Variants in PAFAH2 observed in about 807,000 individuals in gnomAD.
PAFAH2 encodes platelet activating factor acetylhydrolase 2, also known as platelet-activating factor acetylhydrolase 2, cytoplasmic.
In PAFAH2, 42 loss-of-function variants were observed where a neutral mutation model predicts 49.0. That is an observed-to-expected ratio of 0.86 (90% CI 0.67 to 1.11). PAFAH2 has a LOEUF of 1.11. PAFAH2 is among the 50% of genes least tolerant of loss of function. PAFAH2 has a pLI of 0.00. For missense variants in PAFAH2, 503 were observed against 501.8 expected, an observed-to-expected ratio of 1.00 and a Z score of -0.02; for synonymous variants, 184 against 181.3, an observed-to-expected ratio of 1.01 and a Z score of -0.12.
At chr1:25,966,539 G>A (rs572898067) in intron 10 of PAFAH2, among the ~76,000 whole-genome samples, 7 of 152,258 alleles carry the variant, frequency 4.6e-5, no homozygotes, top group African/African-American at 1.7e-4. Context: ...TGTACCGAAT[G>A]CTGTCACTTA....
intron 3 of PAFAH2, among the ~76,000 whole-genome samples, chr1:25,989,218 C>T (rs1354016518): frequency 6.6e-6 from 1 of 152,188 alleles, no homozygotes; most frequent in Non-Finnish European, 1.5e-5. Flanking sequence ...GCCCAAACCC[C>T]ATGGCTAGTA....
At chr1:25,992,742 T>C (rs780609977) in intron 1 of PAFAH2, among the ~76,000 whole-genome samples, 8 of 152,196 alleles carry the variant, frequency 5.3e-5, no homozygotes, top group Admixed American at 1.3e-4. Context: ...CCAGTGTCCC[T>C]TGCCTTGTGA....
At chr1:25,972,866 T>G (rs908372665) in intron 9 of PAFAH2, among the ~76,000 whole-genome samples, 154 bp from the exon 10 acceptor site, 2 of 152,158 alleles carry the variant, frequency 1.3e-5, no homozygotes, top group African/African-American at 4.8e-5. Context: ...CTTGACAGAA[T>G]CCAAGGAGAG....
intron 10 of PAFAH2, 52 bp downstream of exon 10, chr1:25,972,506 G>A: frequency 6.4e-7 from 1 of 1,571,506 alleles, no homozygotes; most frequent in Middle Eastern, 2.0e-4. Context: ...TCTGCTGCAA[G>A]GAAATCTAAG....
At chr1:25,986,890 C>T (rs1008376140) in intron 4 of PAFAH2, among the ~76,000 whole-genome samples, 2 of 151,926 alleles carry the variant, frequency 1.3e-5, no homozygotes, top group East Asian at 1.9e-4. Flanking sequence ...TTATTGAGTA[C>T]CTATTATATG....
chr1:25,987,450 G>C (rs116436260), intron 4 of PAFAH2, among the ~76,000 whole-genome samples: 1,518 of 150,704 alleles, frequency 0.01, 15 homozygotes, highest in Non-Finnish European at 0.017. Context: ...GAACACATGG[G>C]GCCGGGCGCA....
chr1:25,977,281 G>A (rs1481352074), intron 7 of PAFAH2, among the ~76,000 whole-genome samples: 1 of 151,062 alleles, frequency 6.6e-6, no homozygotes, highest in Non-Finnish European at 1.5e-5. Context: ...TTACAGGCGT[G>A]AGCCACCGCG....
At chr1:25,983,912 A>C (rs1351520141) in intron 6 of PAFAH2, 34 bp downstream of exon 6, 2 of 1,611,222 alleles carry the variant, frequency 1.2e-6, no homozygotes, top group Non-Finnish European at 8.5e-7. Flanking sequence ...GAACAGGCTC[A>C]TTAACTCTCC....
intron 1 of PAFAH2, among the ~76,000 whole-genome samples, chr1:25,997,807 G>A (rs570000162): frequency 7.6e-4 from 116 of 152,290 alleles, no homozygotes; most frequent in African/African-American, 2.6e-3. Context: ...CGGGAGCTCA[G>A]TGGGGATTCC....
rs182191640 is a variant in PAFAH2 at position 25,984,667 on chromosome 1, A to C, written c.342-139T>G. 17 of 638,736 alleles carry C rather than the reference A, an allele frequency of 2.7e-5. No individual in the cohort carries two copies. In the African/African-American group the frequency reaches 3.1e-4, roughly 12 times the overall value. The allele number at this position is 638,736 out of a possible 1,614,324, so 39.6% of individuals were successfully genotyped here. ...AACTGTCTACCTCTGGCTTCCTTTC[A>C]CTTGAGAGAGAAATAAACATTACCA... On this transcript the variant is annotated intron_variant, in intron 4 of 10. Transcript: ENST00000374282.
At chr1:25,972,530 G>T in intron 10 of PAFAH2, 28 bp downstream of exon 10, 3 of 1,604,040 alleles carry the variant, frequency 1.9e-6, no homozygotes, top group Non-Finnish European at 2.6e-6. Context: ...CCCCACAGCT[G>T]CCCCAAGAGC....
chr1:25,976,981 C>T (rs537540042), intron 7 of PAFAH2, among the ~76,000 whole-genome samples: 1 of 149,696 alleles, frequency 6.7e-6, no homozygotes, highest in South Asian at 2.1e-4. Flanking sequence ...CTTGTGTAGG[C>T]AGGAATTGTG....
At chr1:25,971,573 GAC>G (rs1484747543) in intron 10 of PAFAH2, among the ~76,000 whole-genome samples, 1 of 152,160 alleles carries the variant, frequency 6.6e-6, no homozygotes, top group African/African-American at 2.4e-5. Flanking sequence ...GTGAGAGGAA[GAC>G]ACAGAGAGAC....
In PAFAH2 at chr1:25,960,934, T is replaced by C. The variant is rs1304814374; in HGVS notation, c.*1055A>G. 1 of 151,928 alleles carries C rather than the reference T, an allele frequency of 6.6e-6. No homozygotes were observed. Among genetic ancestry groups the C allele is most frequent in the Non-Finnish European group, 1.5e-5 (1 of 68,030 alleles). The allele number at this position is 151,928 out of a possible 1,614,324, so 9.4% of individuals were successfully genotyped here. ...GATTCTTCTGCTTCAGCCTCCTGAG[T>C]AGCTGGGATTATAGGCGCCTGCCAT... On this transcript the variant is annotated 3_prime_UTR_variant, in exon 11 of 11. Coordinates refer to ENST00000374282, the MANE Select transcript of PAFAH2 (RefSeq NM_000437.4).
In PAFAH2 at chr1:25,984,196, T is replaced by C. The variant is rs941936514; in HGVS notation, c.411-109A>G. The stretch of plus-strand genomic sequence containing the variant: ...AGGAGGCTCTAGATCACCCTTTGGC[T>C]AGTAGGGAAGGAGATCTGGGGCATG... On this transcript the variant is annotated intron_variant, in intron 5 of 10. Coordinates refer to ENST00000374282, the MANE Select transcript of PAFAH2 (RefSeq NM_000437.4). The C allele has an allele frequency of 6.1e-6, 8 of 1,308,336 alleles. No homozygotes were observed. In the African/African-American group the frequency reaches 8.8e-5, roughly 14 times the overall value. 81.0% of individuals were successfully genotyped at this position (1,308,336 alleles called of 1,614,324 possible).
intron 7 of PAFAH2, among the ~76,000 whole-genome samples, chr1:25,978,982 A>AC (rs1342866940): frequency 1.7e-4 from 26 of 152,368 alleles, no homozygotes; most frequent in African/African-American, 6.0e-4. Flanking sequence ...GGAATGAATA[A>AC]CACTGTCCAT....
chr1:25,985,717 T>C (rs1019252518), intron 4 of PAFAH2, among the ~76,000 whole-genome samples: 11 of 152,238 alleles, frequency 7.2e-5, no homozygotes, highest in African/African-American at 1.9e-4. Context: ...ACTCAATTTA[T>C]TGAACAAGAA....
At chr1:25,991,941 TA>T (rs1214704110) in intron 1 of PAFAH2, among the ~76,000 whole-genome samples, 1 of 152,016 alleles carries the variant, frequency 6.6e-6, no homozygotes, top group Non-Finnish European at 1.5e-5. Context: ...ATGAGGAAAC[TA>T]AGGCATAAAG....
chr1:25,994,402 G>C (rs144906816), intron 1 of PAFAH2, among the ~76,000 whole-genome samples: 1 of 152,094 alleles, frequency 6.6e-6, no homozygotes, highest in Non-Finnish European at 1.5e-5. Flanking sequence ...AGGTGCTTGG[G>C]ATTACTGGAG....
Sources: gnomAD v4.1 joint callset for allele counts (sites outside exome capture counted in the v4.1 genomes callset) on GRCh38, gnomAD v4.1.1 for gene constraint, MANE v1.5 for transcripts, NCBI Gene and HGNC (gene_info 2026-07-23, HGNC 2026-07-21) for gene names.